Variants in LMBR1 observed in about 807,000 individuals in gnomAD.
LMBR1 encodes limb region 1 protein homolog.
LMBR1 carries 52 observed loss-of-function variants against 73.9 expected under a neutral mutation model. The observed-to-expected ratio is 0.70, with a 90% CI of 0.56 to 0.89. The LOEUF (loss-of-function observed/expected upper bound fraction) is 0.89. Ranked by LOEUF, LMBR1 falls within the 40% of genes least tolerant of loss-of-function variation. The pLI is 0.00. For missense variants in LMBR1, 539 were observed against 579.8 expected, an observed-to-expected ratio of 0.93 and a Z score of 0.72; for synonymous variants, 215 against 209.4, an observed-to-expected ratio of 1.03 and a Z score of -0.23.
At chr7:156,672,927 T>A (rs1475086087), downstream of LMBR1, among the ~76,000 whole-genome samples, 4 of 152,236 alleles carry the variant, frequency 2.6e-5, no homozygotes, top group Non-Finnish European at 5.9e-5. Flanking sequence ...TGAATGGGCC[T>A]CAGAATCACC....
chr7:156,841,616 T>C, intron 1 of LMBR1, among the ~76,000 whole-genome samples: 1 of 151,976 alleles, frequency 6.6e-6, no homozygotes, highest in East Asian at 1.9e-4. Context: ...TTTAGGAAAA[T>C]GGAATCATCG....
chr7:156,786,243 G>A (rs1398986694), intron 5 of LMBR1, among the ~76,000 whole-genome samples: 1 of 141,066 alleles, frequency 7.1e-6, no homozygotes, highest in Non-Finnish European at 1.5e-5. Context: ...GGAGGAAGGA[G>A]GAAGGAGGAA....
chr7:156,892,928 C>G lies in LMBR1; in HGVS notation c.66G>C (p.Thr22=), dbSNP rs1803439323. 6.5e-7 allele frequency: 1 copy of G among 1,530,368 alleles called. No individual in the cohort carries two copies. Among genetic ancestry groups the G allele is most frequent in the Non-Finnish European group, 8.7e-7 (1 of 1,146,568 alleles). 94.8% of individuals were successfully genotyped at this position (1,530,368 alleles called of 1,614,324 possible). The stretch of plus-strand genomic sequence containing the variant: ...CAGGGCTGCCTCGGTCCCCACGCAC[C>G]GTGGACTCCCGCACTTGGCTGTGGA... ...QHFHSQVRES[T]ICFLLFAILY... Residue 22 remains threonine (T), a splice_region_variant and synonymous_variant, in exon 1 of 17, where the codon ACG becomes ACC. Coordinates refer to ENST00000353442, the MANE Select transcript of LMBR1 (RefSeq NM_022458.4).
At chr7:156,718,885 C>A (rs553386428) in intron 15 of LMBR1, among the ~76,000 whole-genome samples, 40 of 150,654 alleles carry the variant, frequency 2.7e-4, no homozygotes, top group African/African-American at 9.5e-4. Context: ...ACATAAAAAT[C>A]AATTTAATTG....
At chr7:156,743,001 G>C (rs1349849499) in intron 9 of LMBR1, among the ~76,000 whole-genome samples, 4 of 152,150 alleles carry the variant, frequency 2.6e-5, no homozygotes, top group Non-Finnish European at 5.9e-5. Context: ...AAAACCATAT[G>C]ATCATTTCAT....
In LMBR1 at chr7:156,685,457, T is replaced by C. The variant is rs1182229862; in HGVS notation, c.1388-1294A>G. 6.6e-6 allele frequency among the ~76,000 whole-genome samples: 1 copy of C among 152,256 alleles called. No homozygotes were observed. The highest frequency in any genetic ancestry group is 1.5e-5 in the Non-Finnish European group (1 of 68,040). On this transcript the variant is annotated intron_variant, in intron 16 of 16. Transcript: ENST00000353442. This position sits in a 1 kb window ranked among gnomAD's most constrained non-coding sequence, Gnocchi z 4.1. Reference sequence around the variant, plus strand: ...TCTATACACCCAGAGGGCACAGCCATGCCATCCCTAGGCTGCAGGGTGTGG... The same window carrying C: ...TCTATACACCCAGAGGGCACAGCCACGCCATCCCTAGGCTGCAGGGTGTGG...
intron 10 of LMBR1, among the ~76,000 whole-genome samples, chr7:156,733,238 C>G (rs1399608459): frequency 1.3e-5 from 2 of 152,072 alleles, no homozygotes; most frequent in African/African-American, 2.4e-5. Context: ...TTCAAAATAC[C>G]TATTTTCTAA....
chr7:156,714,711 G>T (rs1260692568), intron 15 of LMBR1, among the ~76,000 whole-genome samples: 1 of 152,150 alleles, frequency 6.6e-6, no homozygotes, highest in African/African-American at 2.4e-5. Context: ...ATGGAAAGAA[G>T]GGACAAAGGA....
chr7:156,864,600 A>T (rs1798189136), intron 1 of LMBR1, among the ~76,000 whole-genome samples: 1 of 152,222 alleles, frequency 6.6e-6, no homozygotes, highest in Non-Finnish European at 1.5e-5. Flanking sequence ...ACTTGGAATA[A>T]AACCAAATAG....
intron 5 of LMBR1, among the ~76,000 whole-genome samples, chr7:156,787,119 G>A (rs1828248368): frequency 6.6e-6 from 1 of 152,126 alleles, no homozygotes; most frequent in Non-Finnish European, 1.5e-5. Flanking sequence ...TGGGCAAGGT[G>A]TGCGCATGCT....
chr7:156,751,413 G>A (rs146455188), intron 9 of LMBR1, among the ~76,000 whole-genome samples: 70 of 152,242 alleles, frequency 4.6e-4, no homozygotes, highest in African/African-American at 1.3e-3. Flanking sequence ...AGAGCAAAGA[G>A]ACAGCAGGCA....
intron 15 of LMBR1, among the ~76,000 whole-genome samples, chr7:156,717,201 G>A (rs1159691220): frequency 1.3e-5 from 2 of 152,162 alleles, no homozygotes; most frequent in East Asian, 1.9e-4. Flanking sequence ...CTGCCATGAG[G>A]TACTGGCACA....
At chr7:156,875,732 G>A (rs987414153) in intron 1 of LMBR1, among the ~76,000 whole-genome samples, 4 of 152,106 alleles carry the variant, frequency 2.6e-5, no homozygotes, top group African/African-American at 9.7e-5. Flanking sequence ...ATAAATGAAG[G>A]AAAGATACAG....
intron 15 of LMBR1, among the ~76,000 whole-genome samples, chr7:156,693,326 T>C (rs575062550): frequency 4.0e-5 from 6 of 151,846 alleles, no homozygotes; most frequent in African/African-American, 1.4e-4. Flanking sequence ...GAAGCAGAAA[T>C]AAATGAATTA....
At chr7:156,759,335 G>A (rs1197170649) in intron 8 of LMBR1, among the ~76,000 whole-genome samples, 4 of 152,136 alleles carry the variant, frequency 2.6e-5, no homozygotes, top group African/African-American at 7.2e-5. Context: ...CAAACAAATC[G>A]GTTTTACAGC....
At chr7:156,820,585 G>A (rs77583663) in intron 4 of LMBR1, among the ~76,000 whole-genome samples, 3,045 of 152,246 alleles carry the variant, frequency 0.02, 102 homozygotes, top group African/African-American at 0.069. Context: ...GAAATTTCTA[G>A]GGGTCCAGTG....
At chr7:156,838,288 A>C (rs1192996723) in intron 1 of LMBR1, among the ~76,000 whole-genome samples, 1 of 152,208 alleles carries the variant, frequency 6.6e-6, no homozygotes, top group Non-Finnish European at 1.5e-5. Flanking sequence ...TATTTATTAT[A>C]GTCTTCATGT....
chr7:156,823,753 A>G (rs1835171865), intron 4 of LMBR1: 1 of 152,226 alleles, frequency 6.6e-6, no homozygotes, highest in Non-Finnish European at 1.5e-5. Context: ...AACACAATAT[A>G]ATATTAAAGG....
chr7:156,724,057 A>G, intron 15 of LMBR1, 55 bp downstream of exon 15: 5 of 1,260,924 alleles, frequency 4.0e-6, no homozygotes, highest in South Asian at 2.5e-5. Context: ...AAGTTCAGTA[A>G]AGACAGTTTT....
Sources: allele counts gnomAD v4.1 joint callset (sites outside exome capture counted in the v4.1 genomes callset), GRCh38; gene constraint gnomAD v4.1.1; non-coding constraint Gnocchi (gnomAD v3.1); transcripts MANE v1.5; gene names NCBI Gene and HGNC (gene_info 2026-07-23, HGNC 2026-07-21).